Variants in SEPTIN7 observed in about 807,000 individuals in gnomAD.
SEPTIN7 encodes the protein septin-7.
SEPTIN7 carries 10 observed loss-of-function variants against 63.3 expected under a neutral mutation model. The ratio of observed to expected loss-of-function variants is 0.16; its 90% CI spans 0.10 to 0.27. The LOEUF (loss-of-function observed/expected upper bound fraction) is 0.27. Among genes scored for constraint, SEPTIN7 ranks in the 10% least tolerant of loss-of-function variants. The pLI is 1.00. For synonymous variants in SEPTIN7, 131 were observed against 165.3 expected (o/e 0.79, Z 1.59); for missense variants, 310 against 521.0 (o/e 0.59, Z 3.94).
intron 11 of SEPTIN7, among the ~76,000 whole-genome samples, chr7:35,897,189 A>T (rs62454464): frequency 9.7e-4 from 148 of 152,298 alleles, no homozygotes; most frequent in Non-Finnish European, 1.8e-3. Flanking sequence ...TACCCATTTA[A>T]AATATAAACC....
intron 1 of SEPTIN7, among the ~76,000 whole-genome samples, chr7:35,815,554 T>C (rs567426306): frequency 6.6e-6 from 1 of 152,212 alleles, no homozygotes; most frequent in Non-Finnish European, 1.5e-5. Context: ...GAAAAACCTA[T>C]TGTACACATA....
chr7:35,848,442 GT>G (rs970377555), intron 3 of SEPTIN7, among the ~76,000 whole-genome samples: 3 of 150,724 alleles, frequency 2.0e-5, no homozygotes, highest in African/African-American at 7.3e-5. Flanking sequence ...TAATTTTTTG[GT>G]TTTTTTTTAG....
rs192819317 is a variant in SEPTIN7, at chr7:35,831,386, G to C, written c.62-106G>C. 1.7e-3 allele frequency: 613 copies of C among 360,266 alleles called. 3 individuals carry two copies. The highest frequency in any genetic ancestry group is 1.9e-3 in the Non-Finnish European group (359 of 187,886). The allele number at this position is 360,266 out of a possible 1,614,324, so 22.3% of individuals were successfully genotyped here. A position where few individuals can be genotyped will look rare whatever the true frequency, so the allele number is the denominator to read the frequency against. On this transcript the variant is annotated intron_variant, in intron 1 of 13. Coordinates refer to ENST00000350320, the MANE Select transcript of SEPTIN7 (RefSeq NM_001788.6). ...TGGATTTGCCTCTCCTGTTTGGACT[G>C]AATATGTCATTACAATTCTTGGAAT...
intron 6 of SEPTIN7, among the ~76,000 whole-genome samples, chr7:35,878,593 T>C (rs1361526887): frequency 6.6e-6 from 1 of 152,172 alleles, no homozygotes; most frequent in South Asian, 2.1e-4. Flanking sequence ...TAGTTATTCA[T>C]TCCAAAGGAC....
At chr7:35,815,586 A>C (rs1283020418) in intron 1 of SEPTIN7, among the ~76,000 whole-genome samples, 1 of 152,206 alleles carries the variant, frequency 6.6e-6, no homozygotes, top group East Asian at 1.9e-4. Context: ...AGAACTATGT[A>C]ATATGCTTAC....
intron 1 of SEPTIN7, among the ~76,000 whole-genome samples, chr7:35,827,683 G>T (rs1278173424): frequency 1.3e-5 from 2 of 152,006 alleles, no homozygotes; most frequent in Non-Finnish European, 2.9e-5. Flanking sequence ...TAGAGACAGG[G>T]TTTCACCATG....
At chr7:35,848,192 A>G (rs565357092) in intron 3 of SEPTIN7, among the ~76,000 whole-genome samples, 35 of 152,288 alleles carry the variant, frequency 2.3e-4, no homozygotes, top group African/African-American at 8.2e-4. Context: ...TATTTTCTTA[A>G]TTAATGCTGG....
At chr7:35,818,161 T>G (rs1211752970) in intron 1 of SEPTIN7, among the ~76,000 whole-genome samples, 2 of 152,068 alleles carry the variant, frequency 1.3e-5, no homozygotes, top group African/African-American at 4.8e-5. Flanking sequence ...TATGTCTAGT[T>G]TGTTAAGTGT....
rs1185655263 is a variant in SEPTIN7 at position 35,872,577 on chromosome 7, G to A, written c.277-89G>A. ...TGCTAACAGTTTCCCAGTTGGTTTT[G>A]ATAAACTCGAACGTCCCTACCATCA... On this transcript the variant is annotated intron_variant, in intron 4 of 13. Transcript: ENST00000350320. 3.2e-6 allele frequency: 3 copies of A among 944,448 alleles called. No homozygotes were observed. In the Admixed American group the frequency reaches 5.6e-5, roughly 18 times the overall value. The allele number at this position is 944,448 out of a possible 1,614,324, so 58.5% of individuals were successfully genotyped here. A position where few individuals can be genotyped will look rare whatever the true frequency, so the allele number is the denominator to read the frequency against.
At chr7:35,875,853 A>G (rs1452037650) in intron 6 of SEPTIN7, among the ~76,000 whole-genome samples, 1 of 152,174 alleles carries the variant, frequency 6.6e-6, no homozygotes, top group Middle Eastern at 3.2e-3. Flanking sequence ...TTGAGGTTAA[A>G]TAGTCTTTTC....
chr7:35,873,932 A>T, intron 6 of SEPTIN7, 157 bp downstream of exon 6: 2 of 640,106 alleles, frequency 3.1e-6, no homozygotes, highest in South Asian at 2.4e-5. Flanking sequence ...TTGAAAAGCC[A>T]TTTTAAGTCC....
intron 12 of SEPTIN7, chr7:35,899,146 A>G (rs1788142434): frequency 6.6e-6 from 1 of 152,244 alleles, no homozygotes; most frequent in South Asian, 2.1e-4. Flanking sequence ...AGTTTGATAG[A>G]TGTCTGAGAA....
intron 11 of SEPTIN7, among the ~76,000 whole-genome samples, chr7:35,895,982 T>A (rs1413412915): frequency 1.3e-5 from 2 of 152,154 alleles, no homozygotes; most frequent in Admixed American, 6.5e-5. Context: ...GGCTAATTTT[T>A]GTATTTTTAG....
At chr7:35,811,684 C>T (rs1047278240) in intron 1 of SEPTIN7, among the ~76,000 whole-genome samples, 38 of 152,040 alleles carry the variant, frequency 2.5e-4, no homozygotes, top group African/African-American at 8.2e-4. Flanking sequence ...GTCAGGAGTT[C>T]GAGACCAGTC....
chr7:35,897,952 T>C (rs1788052657), intron 11 of SEPTIN7, among the ~76,000 whole-genome samples: 1 of 151,328 alleles, frequency 6.6e-6, no homozygotes, highest in Non-Finnish European at 1.5e-5. Context: ...TATTTTCTTC[T>C]AATGTTTCAT....
intron 1 of SEPTIN7, among the ~76,000 whole-genome samples, chr7:35,829,851 G>C (rs546431010): frequency 3.6e-4 from 55 of 152,198 alleles, no homozygotes; most frequent in African/African-American, 1.2e-3. Context: ...TTTTAAATAA[G>C]GTGATTAGGG....
chr7:35,838,331 TCCCTCCCTCCCTCCCTCCCTC>T (rs1562537203), intron 3 of SEPTIN7, among the ~76,000 whole-genome samples: 1 of 1,362 alleles, frequency 7.3e-4, no homozygotes, highest in African/African-American at 3.1e-3. Flanking sequence ...CCTCCCTCCC[TCCCTCCCTCCCTCCCTCCCTC>T]CCTCCCTCCC....
At chr7:35,806,523 T>C (rs1421308852) in intron 1 of SEPTIN7, among the ~76,000 whole-genome samples, 1 of 152,192 alleles carries the variant, frequency 6.6e-6, no homozygotes, top group Non-Finnish European at 1.5e-5. Flanking sequence ...TTCCGACTTA[T>C]CAAGTAACTT....
chr7:35,897,769 G>A (rs553081014), intron 11 of SEPTIN7, among the ~76,000 whole-genome samples: 5 of 152,186 alleles, frequency 3.3e-5, no homozygotes, highest in South Asian at 2.1e-4. Flanking sequence ...TGTTTCCAAC[G>A]TATCAGTTCA....
Sources: allele counts gnomAD v4.1 joint callset (sites outside exome capture counted in the v4.1 genomes callset), GRCh38; gene constraint gnomAD v4.1.1; transcripts MANE v1.5; gene names NCBI Gene and HGNC (gene_info 2026-07-23, HGNC 2026-07-21).